OXCT1: variants seen among roughly 807,000 people sequenced by gnomAD.
OXCT1 encodes the protein 3-oxoacid CoA-transferase 1, also known as succinyl-CoA:3-ketoacid coenzyme A transferase 1, mitochondrial.
A neutral mutation model predicts 69.6 loss-of-function variants in OXCT1; 27 were observed. The ratio of observed to expected loss-of-function variants is 0.39; its 90% CI spans 0.29 to 0.54. The LOEUF is 0.54. Ranked by LOEUF, OXCT1 falls within the 20% of genes least tolerant of loss-of-function variation. The pLI, the probability that OXCT1 is intolerant of heterozygous loss-of-function variation, is 0.72. For synonymous variants in OXCT1, 202 were observed against 217.8 expected (o/e 0.93, Z 0.64); for missense variants, 437 against 650.2 (o/e 0.67, Z 3.57).
intron 13 of OXCT1, among the ~76,000 whole-genome samples, chr5:41,780,497 T>C (rs936821453): frequency 6.6e-6 from 1 of 152,214 alleles, no homozygotes; most frequent in African/African-American, 2.4e-5. Flanking sequence ...CTCTAATTCA[T>C]CAAAATCAAG....
At chr5:41,832,593 C>T (rs534672115) in intron 7 of OXCT1, among the ~76,000 whole-genome samples, 2 of 152,194 alleles carry the variant, frequency 1.3e-5, no homozygotes, top group Admixed American at 1.3e-4. Context: ...ATACCTAACC[C>T]TTTAATGCCC....
At chr5:41,747,956 G>C (rs529526992) in intron 15 of OXCT1, among the ~76,000 whole-genome samples, 1 of 152,146 alleles carries the variant, frequency 6.6e-6, no homozygotes, top group South Asian at 2.1e-4. Flanking sequence ...TGCTGGAAAG[G>C]CTGGATGTTT....
Position 41,841,925 on chromosome 5 carries a change from C to T in OXCT1, c.671+750G>A, listed in dbSNP as rs148908323. ...TGTAATTGCACCAAAGCTGCATTTG[C>T]TAAAGATTTAAAAATTGTTAATCGA... On this transcript the variant is annotated intron_variant, in intron 6 of 16. Transcript: ENST00000196371. Among the ~76,000 whole-genome samples, 1,275 of 152,168 alleles carry T rather than the reference C, an allele frequency of 8.4e-3. 17 individuals carry two copies. Among genetic ancestry groups the T allele is most frequent in the African/African-American group, 0.029 (1,219 of 41,522 alleles).
chr5:41,865,267 C>T (rs1221711153), intron 1 of OXCT1, among the ~76,000 whole-genome samples: 4 of 152,164 alleles, frequency 2.6e-5, no homozygotes, highest in African/African-American at 7.2e-5. Context: ...TAACTACAGG[C>T]TTGTCAAGAA....
At chr5:41,820,024 C>T (rs1188261969) in intron 7 of OXCT1, among the ~76,000 whole-genome samples, 8 of 152,180 alleles carry the variant, frequency 5.3e-5, no homozygotes, top group Non-Finnish European at 2.9e-5. Flanking sequence ...CCAGAGCACA[C>T]ATTTTAACCA....
At position 41,776,903 on chromosome 5, in the gene OXCT1, C is replaced by T. The variant is rs146833806; in HGVS notation, c.1249-14703G>A. Among the ~76,000 whole-genome samples the T allele has an allele frequency of 5.0e-3, 766 of 152,210 alleles. 7 individuals are homozygous for T. The highest frequency in any genetic ancestry group is 0.017 in the African/African-American group (701 of 41,564). On this transcript the variant is annotated intron_variant, in intron 13 of 16. Transcript: ENST00000196371. ...TACACATCATTAGAACTTTATAAAA[C>T]GATGTTCTTTGACCATATTGTTACC...
intron 13 of OXCT1, among the ~76,000 whole-genome samples, chr5:41,767,797 A>G (rs1184979195): frequency 6.9e-6 from 1 of 145,814 alleles, no homozygotes; most frequent in East Asian, 2.0e-4. Flanking sequence ...TATCTACTGC[A>G]TATCACAGTG....
chr5:41,818,233 T>C lies in OXCT1; in HGVS notation c.733-10795A>G, dbSNP rs532328954. The stretch of plus-strand genomic sequence containing the variant: ...CAATAAAACATGAAAATAAGTGCAA[T>C]AATAGAGGGAACATTCCACTAACCA... On this transcript the variant is annotated intron_variant, in intron 7 of 16. Coordinates refer to ENST00000196371, the MANE Select transcript of OXCT1 (RefSeq NM_000436.4). Among the ~76,000 whole-genome samples the C allele has an allele frequency of 2.0e-5, 3 of 151,796 alleles. No individual in the cohort carries two copies. In the East Asian group the frequency reaches 5.8e-4, roughly 29 times the overall value.
intron 14 of OXCT1, among the ~76,000 whole-genome samples, chr5:41,753,379 C>T (rs773709082): frequency 8.6e-5 from 13 of 151,972 alleles, no homozygotes. Flanking sequence ...CTTTCTTTGG[C>T]AAAGCCCTAA....
rs1742629070 is a variant in OXCT1, at chr5:41,731,597, T to C, written c.*132A>G. ...CTAGAGAACAGTTTATATGGCTGCA[T>C]AAAGTCTGAAACACAAGAAAACTAA... On this transcript the variant is annotated 3_prime_UTR_variant, in exon 17 of 17. Transcript: ENST00000196371. 7.6e-7 allele frequency: 1 copy of C among 1,310,224 alleles called. No individual in the cohort carries two copies. The highest frequency in any genetic ancestry group is 1.5e-5 in the African/African-American group (1 of 67,574). 81.2% of individuals were successfully genotyped at this position (1,310,224 alleles called of 1,614,324 possible). A position where few individuals can be genotyped will look rare whatever the true frequency, so the allele number is the denominator to read the frequency against.
chr5:41,800,890 A>T, intron 11 of OXCT1, 132 bp downstream of exon 11: 2 of 796,854 alleles, frequency 2.5e-6, no homozygotes, highest in South Asian at 2.8e-5. Flanking sequence ...ACCTCAAAAA[A>T]GCTTATCTCT....
intron 7 of OXCT1, among the ~76,000 whole-genome samples, chr5:41,830,472 T>A (rs1398948420): frequency 6.6e-6 from 1 of 152,208 alleles, no homozygotes; most frequent in Non-Finnish European, 1.5e-5. Context: ...ATAGAGAGCT[T>A]TAACCAGGTA....
intron 13 of OXCT1, among the ~76,000 whole-genome samples, chr5:41,766,731 C>T (rs1050887255): frequency 1.3e-5 from 2 of 152,058 alleles, no homozygotes; most frequent in African/African-American, 4.8e-5. Context: ...TCATTCTTGC[C>T]GTTACCTTTA....
chr5:41,775,189 A>G lies in OXCT1; in HGVS notation c.1249-12989T>C, dbSNP rs149990921. Reference sequence around the variant, plus strand: ...CTCACTTCTGACCCTAACTACCTGGAATTAGCACAGGACCCACAAGTTAAG... The same window carrying G: ...CTCACTTCTGACCCTAACTACCTGGGATTAGCACAGGACCCACAAGTTAAG... On this transcript the variant is annotated intron_variant, in intron 13 of 16. Transcript: ENST00000196371. Among the ~76,000 whole-genome samples the G allele has an allele frequency of 3.9e-5, 6 of 152,242 alleles. No homozygotes were observed. The East Asian group carries it at 1.2e-3, about 30-fold the overall frequency.
intron 7 of OXCT1, among the ~76,000 whole-genome samples, chr5:41,828,023 C>T (rs1747892563): frequency 6.6e-6 from 1 of 152,232 alleles, no homozygotes; most frequent in African/African-American, 2.4e-5. Context: ...GGAGCTACAG[C>T]CACATGCTGG....
At chr5:41,783,629 T>C (rs1026996329) in intron 13 of OXCT1, among the ~76,000 whole-genome samples, 1 of 152,202 alleles carries the variant, frequency 6.6e-6, no homozygotes, top group Non-Finnish European at 1.5e-5. Flanking sequence ...GATCGACTGA[T>C]TCAAAGATGA....
chr5:41,794,631 C>T (rs1746088040), intron 12 of OXCT1, 46 bp downstream of exon 12: 3 of 1,538,604 alleles, frequency 1.9e-6, no homozygotes, highest in Non-Finnish European at 1.8e-6. Flanking sequence ...GATGACTCAG[C>T]TCATTCCATA....
At position 41,745,141 on chromosome 5, in the gene OXCT1, T is replaced by A. The variant is rs1401017505; in HGVS notation, c.1419+4386A>T. ...CACACCTATTCCAAAACTGATCACA[T>A]AGTTGGAAGTAAAGCACTCCTCAGC... On this transcript the variant is annotated intron_variant, in intron 15 of 16. Transcript: ENST00000196371. 1.3e-5 allele frequency among the ~76,000 whole-genome samples: 2 copies of A among 151,946 alleles called. 1 individual carries two copies. Among genetic ancestry groups the A allele is most frequent in the Non-Finnish European group, 2.9e-5 (2 of 68,000 alleles).
At chr5:41,862,262 T>C (rs1375285871) in intron 2 of OXCT1, among the ~76,000 whole-genome samples, 2 of 152,138 alleles carry the variant, frequency 1.3e-5, no homozygotes, top group Non-Finnish European at 2.9e-5. Flanking sequence ...GGTCAATACA[T>C]GTCTACGGGG....
Sources: gnomAD v4.1 joint callset for allele counts (sites outside exome capture counted in the v4.1 genomes callset) on GRCh38, gnomAD v4.1.1 for gene constraint, MANE v1.5 for transcripts, NCBI Gene and HGNC (gene_info 2026-07-23, HGNC 2026-07-21) for gene names.